NSG2: variants seen among roughly 807,000 people sequenced by gnomAD.
NSG2 encodes the protein neuronal vesicle trafficking associated 2.
Under a neutral mutation model 16.9 loss-of-function variants are expected in NSG2, and 4 were observed. That is an observed-to-expected ratio of 0.24 (90% CI 0.12 to 0.54). The LOEUF (loss-of-function observed/expected upper bound fraction) is 0.54. Among genes scored for constraint, NSG2 ranks in the 20% least tolerant of loss-of-function variants. The pLI is 0.95. For synonymous variants in NSG2, 98 were observed against 88.7 expected, an observed-to-expected ratio of 1.11 and a Z score of -0.59; for missense variants, 179 against 221.1, an observed-to-expected ratio of 0.81 and a Z score of 1.21.
chr5:174,093,225 A>G (rs571593741), intron 3 of NSG2, among the ~76,000 whole-genome samples: 32 of 152,280 alleles, frequency 2.1e-4, no homozygotes, highest in African/African-American at 7.5e-4. Flanking sequence ...AGGGCCATGA[A>G]GTATTGAAAT....
chr5:174,047,932 C>T (rs188402164), intron 2 of NSG2, among the ~76,000 whole-genome samples: 3 of 152,310 alleles, frequency 2.0e-5, no homozygotes, highest in African/African-American at 7.2e-5. Context: ...CCATTGGCAT[C>T]TGCAGGAGGG....
chr5:174,104,406 T>G, intron 4 of NSG2, 68 bp downstream of exon 4: 1 of 1,092,150 alleles, frequency 9.2e-7, no homozygotes, highest in Non-Finnish European at 1.4e-6. Flanking sequence ...ATGTCTTCTC[T>G]TCACTGGTGT....
rs2113454528 is a variant in NSG2 at position 174,081,299 on chromosome 5, A to C, written c.213+16984A>C. On this transcript the variant is annotated intron_variant, in intron 3 of 4. Transcript: ENST00000303177. ...ATTTTCCTGTCTAATTGCAGTGGTC[A>C]GTACTTTCAGATTTGCTATTTCTAG... Among the ~76,000 whole-genome samples, 3 of 152,248 alleles carry C rather than the reference A, an allele frequency of 2.0e-5. No individual in the cohort carries two copies. The South Asian group carries it at 6.2e-4, about 32-fold the overall frequency.
At chr5:174,065,557 G>A (rs1760125624) in intron 3 of NSG2, among the ~76,000 whole-genome samples, 1 of 152,168 alleles carries the variant, frequency 6.6e-6, no homozygotes, top group South Asian at 2.1e-4. Flanking sequence ...GCTTTTACAT[G>A]GCTAATGGAG....
At chr5:174,065,722 C>A (rs1440268093) in intron 3 of NSG2, among the ~76,000 whole-genome samples, 1 of 152,094 alleles carries the variant, frequency 6.6e-6, no homozygotes, top group Non-Finnish European at 1.5e-5. Context: ...AACAATCAGC[C>A]CTGGAGGCAG....
Position 174,103,439 on chromosome 5 carries a change from A to C in NSG2, c.214-789A>C, listed in dbSNP as rs10060659. 8.5e-3 allele frequency among the ~76,000 whole-genome samples: 1,299 copies of C among 151,996 alleles called. 18 individuals carry two copies. Among genetic ancestry groups the C allele is most frequent in the African/African-American group, 0.031 (1,263 of 41,384 alleles). ...AGCAGGTTTGAGTTGGGAGGAGAGC[A>C]GGAATCCTGTTTGGGAATGTGTTGA... On this transcript the variant is annotated intron_variant, in intron 3 of 4. Coordinates refer to ENST00000303177, the MANE Select transcript of NSG2 (RefSeq NM_015980.5).
chr5:174,080,529 C>CTT (rs1561668646), intron 3 of NSG2, among the ~76,000 whole-genome samples: 23 of 102,838 alleles, frequency 2.2e-4, no homozygotes, highest in Non-Finnish European at 1.0e-4. Context: ...CTTTCTTTCT[C>CTT]TCTCTCTCTC....
chr5:174,057,324 T>A (rs557358342), intron 2 of NSG2, among the ~76,000 whole-genome samples: 1 of 152,350 alleles, frequency 6.6e-6, no homozygotes, highest in South Asian at 2.1e-4. Flanking sequence ...TTTTCTCCTG[T>A]CTTGTTCTCT....
At position 174,108,751 on chromosome 5, in the gene NSG2, T is replaced by C. The variant is rs1256223924; in HGVS notation, c.*1246T>C. On this transcript the variant is annotated 3_prime_UTR_variant, in exon 5 of 5. Transcript: ENST00000303177. ...TCACAAATGTTTCAGGGAGGCCAGTTCTGCAGGGTGTCAGCTCCAGGACCC... is the reference window on the plus strand; with the variant it reads ...TCACAAATGTTTCAGGGAGGCCAGTCCTGCAGGGTGTCAGCTCCAGGACCC... 1 of 152,526 alleles carries C rather than the reference T, an allele frequency of 6.6e-6. No homozygotes were observed. The highest frequency in any genetic ancestry group is 1.5e-5 in the Non-Finnish European group (1 of 68,098). The allele number at this position is 152,526 out of a possible 1,614,324, so 9.4% of individuals were successfully genotyped here.
chr5:174,091,341 C>T (rs1760718707), intron 3 of NSG2: 2 of 152,412 alleles, frequency 1.3e-5, no homozygotes, highest in Non-Finnish European at 2.9e-5. Flanking sequence ...TCCGAGTTCA[C>T]CTGTGTGCCC....
chr5:174,107,587 A>C lies in NSG2; in HGVS notation c.*82A>C. Reference sequence around the variant, plus strand: ...AGCCAAGCTCCAGTTACAAGACAACACTGTACTCCTGGGATATGGGGGCGG... The same window carrying C: ...AGCCAAGCTCCAGTTACAAGACAACCCTGTACTCCTGGGATATGGGGGCGG... On this transcript the variant is annotated 3_prime_UTR_variant, in exon 5 of 5. Transcript: ENST00000303177. This position sits in a 1 kb window ranked among gnomAD's most constrained non-coding sequence, Gnocchi z 4.5. The C allele has an allele frequency of 1.6e-5, 13 of 810,184 alleles. No homozygotes were observed. The highest frequency in any genetic ancestry group is 6.0e-5 in the East Asian group (1 of 16,634). The allele number at this position is 810,184 out of a possible 1,614,324, so 50.2% of individuals were successfully genotyped here. A position where few individuals can be genotyped will look rare whatever the true frequency, so the allele number is the denominator to read the frequency against.
intron 3 of NSG2, among the ~76,000 whole-genome samples, chr5:174,102,768 T>G (rs562358320): frequency 1.9e-4 from 29 of 149,776 alleles, no homozygotes; most frequent in African/African-American, 6.8e-4. Context: ...ATTTATTTAT[T>G]TATTTATTTA....
Position 174,045,718 on chromosome 5 carries a change from C to T in NSG2, c.-148C>T, listed in dbSNP as rs1227814756. 1 of 152,370 alleles carries T rather than the reference C, an allele frequency of 6.6e-6. No individual in the cohort carries two copies. The highest frequency in any genetic ancestry group is 1.5e-5 in the Non-Finnish European group (1 of 68,054). The allele number at this position is 152,370 out of a possible 1,614,324, so 9.4% of individuals were successfully genotyped here. On this transcript the variant is annotated 5_prime_UTR_variant, in exon 1 of 5. Coordinates refer to ENST00000303177, the MANE Select transcript of NSG2 (RefSeq NM_015980.5). ...CACGCCTGCTCTCAGAAGCTCCGATCCAGACACACGCGAGGCGCTGTCCTT... is the reference window on the plus strand; with the variant it reads ...CACGCCTGCTCTCAGAAGCTCCGATTCAGACACACGCGAGGCGCTGTCCTT...
At chr5:174,085,761 C>T (rs575832899) in intron 3 of NSG2, among the ~76,000 whole-genome samples, 1 of 152,178 alleles carries the variant, frequency 6.6e-6, no homozygotes, top group Non-Finnish European at 1.5e-5. Flanking sequence ...GATGAAAGCT[C>T]CACATCCCAG....
At chr5:174,102,754 T>TTTTTA (rs1760917995) in intron 3 of NSG2, among the ~76,000 whole-genome samples, 1 of 90,834 alleles carries the variant, frequency 1.1e-5, no homozygotes, top group African/African-American at 7.8e-5. Flanking sequence ...GCTTTGTTTT[T>TTTTTA]TTTATTTATT....
chr5:174,101,123 A>G (rs1426189790), intron 3 of NSG2, among the ~76,000 whole-genome samples: 5 of 152,014 alleles, frequency 3.3e-5, no homozygotes, highest in African/African-American at 1.2e-4. Context: ...ACTATAGGCA[A>G]CTCTCTTGGC....
At chr5:174,057,181 C>A (rs1759978985) in intron 2 of NSG2, among the ~76,000 whole-genome samples, 2 of 152,056 alleles carry the variant, frequency 1.3e-5, no homozygotes, top group Admixed American at 6.5e-5. Context: ...GAAATTTTGC[C>A]CCTCCCCTCT....
chr5:174,061,529 G>C (rs1242578621), intron 2 of NSG2, among the ~76,000 whole-genome samples: 1 of 152,164 alleles, frequency 6.6e-6, no homozygotes, highest in East Asian at 1.9e-4. Flanking sequence ...TGTTTCTTTG[G>C]CTCTGTGGTA....
intron 3 of NSG2, among the ~76,000 whole-genome samples, chr5:174,094,486 T>A (rs762746808): frequency 3.3e-5 from 5 of 152,152 alleles, no homozygotes; most frequent in African/African-American, 4.8e-5. Flanking sequence ...CTCAGAGAGA[T>A]GAAGCATCTT....
Sources: allele counts gnomAD v4.1 joint callset (sites outside exome capture counted in the v4.1 genomes callset), GRCh38; gene constraint gnomAD v4.1.1; non-coding constraint Gnocchi (gnomAD v3.1); transcripts MANE v1.5; gene names NCBI Gene and HGNC (gene_info 2026-07-23, HGNC 2026-07-21).